Variants in SDC1 observed in about 807,000 individuals in gnomAD.
SDC1 encodes syndecan 1, also known as syndecan-1.
In SDC1, 14 loss-of-function variants were observed where a neutral mutation model predicts 29.7. The observed-to-expected ratio is 0.47, with a 90% CI of 0.31 to 0.74. The LOEUF is 0.74. Among genes scored for constraint, SDC1 ranks in the 30% least tolerant of loss-of-function variants. The pLI is 0.05. For missense variants in SDC1, 406 were observed against 400.3 expected, an observed-to-expected ratio of 1.01 and a Z score of -0.12; for synonymous variants, 204 against 175.5, an observed-to-expected ratio of 1.16 and a Z score of -1.29.
chr2:20,204,327 G>T (rs746943789), intron 2 of SDC1, 36 bp from the exon 3 acceptor site: 2 of 1,465,534 alleles, frequency 1.4e-6, no homozygotes, highest in Admixed American at 3.5e-5. Context: ...TGGGGAGGTG[G>T]GGGGTGGGGA....
chr2:20,212,600 G>A (rs1471119742), intron 1 of SDC1, among the ~76,000 whole-genome samples: 8 of 152,242 alleles, frequency 5.3e-5, no homozygotes, highest in African/African-American at 1.9e-4. Flanking sequence ...CCTCAAGGCA[G>A]CATCAGCATT....
At position 20,204,367 on chromosome 2, in the gene SDC1, CG is replaced by C; in HGVS notation, c.149-77del. The C allele has an allele frequency of 1.6e-5, 8 of 500,016 alleles. No individual in the cohort carries two copies. In the East Asian group the frequency reaches 1.9e-4, roughly 12 times the overall value. 31.0% of individuals were successfully genotyped at this position (500,016 alleles called of 1,614,324 possible). A position where few individuals can be genotyped will look rare whatever the true frequency, so the allele number is the denominator to read the frequency against. ...CAGAAGCAGAGTGTGTTGGGTGGGT[CG>C]GGGGAGGCTCCAGAGCACCTGGGCT... On this transcript the variant is annotated intron_variant, in intron 2 of 4. Coordinates refer to ENST00000254351, the MANE Select transcript of SDC1 (RefSeq NM_002997.5).
chr2:20,216,344 C>T (rs1057176202), intron 1 of SDC1, among the ~76,000 whole-genome samples: 1 of 152,292 alleles, frequency 6.6e-6, no homozygotes, highest in Non-Finnish European at 1.5e-5. Context: ...TCTTGCCGCC[C>T]GGACCCTCCC....
intron 1 of SDC1, chr2:20,207,262 C>T: frequency 1.7e-5 from 4 of 239,942 alleles, no homozygotes; most frequent in Non-Finnish European, 2.7e-5. Context: ...CACTGAACTT[C>T]CTTTGAAAGG....
rs181974143 is a variant in SDC1 at position 20,216,402 on chromosome 2, C to T, written c.66+8400G>A. Among the ~76,000 whole-genome samples, 526 of 152,346 alleles carry T rather than the reference C, an allele frequency of 3.5e-3. 3 individuals carry two copies. The highest frequency in any genetic ancestry group is 0.012 in the African/African-American group (503 of 41,582). ...TATGGTCACCATCACAGCAGCACTG[C>T]ACCCTGCGGTTTTCTCTGGGAGAAG... On this transcript the variant is annotated intron_variant, in intron 1 of 4. Transcript: ENST00000254351.
rs1274201803 is a variant in SDC1 at position 20,224,799 on chromosome 2, C to A, written c.66+3G>T. ...TCCCCGCCTGGCCGCCGGCCGCACT[C>A]ACCGGCAGGGCCGGCTGCAGGCTCA... On this transcript the variant is annotated splice_donor_region_variant and intron_variant, in intron 1 of 4. Coordinates refer to ENST00000254351, the MANE Select transcript of SDC1 (RefSeq NM_002997.5). The surrounding 1 kb of genome is among the most constrained non-coding windows in gnomAD (Gnocchi z 4.9). The A allele has an allele frequency of 1.5e-6, 2 of 1,306,490 alleles. No individual in the cohort carries two copies. The highest frequency in any genetic ancestry group is 2.2e-5 in the South Asian group (1 of 46,154). 80.9% of individuals were successfully genotyped at this position (1,306,490 alleles called of 1,614,324 possible). A position where few individuals can be genotyped will look rare whatever the true frequency, so the allele number is the denominator to read the frequency against.
intron 1 of SDC1, among the ~76,000 whole-genome samples, chr2:20,216,194 C>T (rs1677621567): frequency 6.6e-6 from 1 of 152,230 alleles, no homozygotes; most frequent in Admixed American, 6.5e-5. Context: ...AGGGAAACTC[C>T]TCCTGTGCTC....
chr2:20,205,043 A>G (rs1404634034), intron 2 of SDC1, among the ~76,000 whole-genome samples: 1 of 152,232 alleles, frequency 6.6e-6, no homozygotes, highest in East Asian at 1.9e-4. Context: ...GGGGTTCCAG[A>G]GGTTTCTTAG....
At chr2:20,223,067 A>T (rs1677870911) in intron 1 of SDC1, 3 of 367,470 alleles carry the variant, frequency 8.2e-6, no homozygotes, top group Non-Finnish European at 1.6e-5. Context: ...CCTGAAAGCC[A>T]GGAGTGCATG....
At chr2:20,208,683 T>A (rs1484306641) in intron 1 of SDC1, among the ~76,000 whole-genome samples, 1 of 152,174 alleles carries the variant, frequency 6.6e-6, no homozygotes, top group Non-Finnish European at 1.5e-5. Flanking sequence ...GCCTCCTGGG[T>A]AGCTCTCCCC....
chr2:20,224,405 G>A lies in SDC1; in HGVS notation c.66+397C>T, dbSNP rs1280281756. The A allele has an allele frequency of 1.3e-5, 2 of 152,402 alleles. No individual in the cohort carries two copies. Among genetic ancestry groups the A allele is most frequent in the African/African-American group, 4.8e-5 (2 of 41,386 alleles). 9.4% of individuals were successfully genotyped at this position (152,402 alleles called of 1,614,324 possible). ...GTCTGGTTTGAATTAGGGTCTGCAG[G>A]GGGGGCGTTGTGGCCGCGGTCACTG... On this transcript the variant is annotated intron_variant, in intron 1 of 4. Transcript: ENST00000254351. This position sits in a 1 kb window ranked among gnomAD's most constrained non-coding sequence, Gnocchi z 4.9.
chr2:20,216,141 G>A (rs1210687029), intron 1 of SDC1, among the ~76,000 whole-genome samples: 1 of 152,228 alleles, frequency 6.6e-6, no homozygotes, highest in Non-Finnish European at 1.5e-5. Context: ...TTCACCCGAG[G>A]AGACTCAGGG....
chr2:20,219,394 G>A (rs959426386), intron 1 of SDC1, among the ~76,000 whole-genome samples: 2 of 152,190 alleles, frequency 1.3e-5, no homozygotes, highest in African/African-American at 4.8e-5. Context: ...ACTCTTCCAG[G>A]GGAAGCGATG....
intron 1 of SDC1, among the ~76,000 whole-genome samples, chr2:20,218,060 G>A (rs1022479486): frequency 1.3e-5 from 2 of 152,174 alleles, no homozygotes; most frequent in Non-Finnish European, 2.9e-5. Context: ...GCAGAGAAAT[G>A]TGAGCCCCCA....
intron 1 of SDC1, among the ~76,000 whole-genome samples, chr2:20,219,040 C>T (rs879552633): frequency 3.9e-5 from 6 of 152,202 alleles, no homozygotes; most frequent in South Asian, 2.1e-4. Flanking sequence ...AAGCCCCGAG[C>T]GCAGCAGGAG....
intron 1 of SDC1, among the ~76,000 whole-genome samples, chr2:20,214,741 G>A (rs557463839): frequency 6.6e-6 from 1 of 152,344 alleles, no homozygotes; most frequent in South Asian, 2.1e-4. Context: ...GGCAGGGGGT[G>A]TGGTGGAAGA....
Position 20,202,762 on chromosome 2 carries a change from C to A in SDC1, c.*4G>T. 1 of 1,594,604 alleles carries A rather than the reference C, an allele frequency of 6.3e-7. No homozygotes were observed. Among genetic ancestry groups the A allele is most frequent in the Non-Finnish European group, 8.6e-7 (1 of 1,169,442 alleles). The stretch of plus-strand genomic sequence containing the variant: ...CAGGGCGGAGGGGGCGCATGGCTCC[C>A]GCGTCAGGCATAGAATTCCTCCTGT... On this transcript the variant is annotated 3_prime_UTR_variant, in exon 5 of 5. Transcript: ENST00000254351.
chr2:20,209,943 G>A (rs1406260702), intron 1 of SDC1, among the ~76,000 whole-genome samples: 2 of 152,224 alleles, frequency 1.3e-5, no homozygotes, highest in Non-Finnish European at 2.9e-5. Flanking sequence ...CCATCAGCCT[G>A]AGGCCACCAG....
chr2:20,208,079 T>A (rs1677338344), intron 1 of SDC1: 1 of 985,290 alleles, frequency 1.0e-6, no homozygotes, highest in Non-Finnish European at 1.2e-6. Context: ...GAGTGCCGAA[T>A]CTTTCAGCAG....
Sources: allele counts gnomAD v4.1 joint callset (sites outside exome capture counted in the v4.1 genomes callset), GRCh38; gene constraint gnomAD v4.1.1; non-coding constraint Gnocchi (gnomAD v3.1); transcripts MANE v1.5; gene names NCBI Gene and HGNC (gene_info 2026-07-23, HGNC 2026-07-21).